The following CTDP1 variants were observed in gnomAD, a reference collection of about 807,000 sequenced individuals.
CTDP1 encodes RNA polymerase II subunit A C-terminal domain phosphatase.
CTDP1 carries 47 observed loss-of-function variants against 91.8 expected under a neutral mutation model. The ratio of observed to expected loss-of-function variants is 0.51; its 90% CI spans 0.41 to 0.65. The LOEUF (loss-of-function observed/expected upper bound fraction) is 0.65. CTDP1 is among the 30% of genes least tolerant of loss of function. The probability of loss-of-function intolerance (pLI) is 0.00; values close to 1 mark genes in which losing one functional copy is unlikely to be tolerated. For synonymous variants in CTDP1, 656 were observed against 598.5 expected, an observed-to-expected ratio of 1.10 and a Z score of -1.40; for missense variants, 1,272 against 1,373.7, an observed-to-expected ratio of 0.93 and a Z score of 1.17.
At chr18:79,679,798 C>T, upstream of CTDP1, 1 of 720,558 alleles carries the variant, frequency 1.4e-6, no homozygotes, top group South Asian at 1.9e-5. Flanking sequence ...CACGCGCCCT[C>T]CAGGAAGTCG....
At chr18:79,708,191 C>T (rs904088558) in intron 5 of CTDP1, among the ~76,000 whole-genome samples, 12 of 152,196 alleles carry the variant, frequency 7.9e-5, no homozygotes, top group Non-Finnish European at 1.5e-4. Context: ...GTTCATCTTC[C>T]CAGAAGATCT....
chr18:79,722,589 C>G (rs1028752553), intron 10 of CTDP1, among the ~76,000 whole-genome samples: 1 of 152,210 alleles, frequency 6.6e-6, no homozygotes, highest in Admixed American at 6.5e-5. Flanking sequence ...AGCGGGCCCC[C>G]TGGTCTGGGT....
rs79644263 is a variant in CTDP1 at position 79,680,133 on chromosome 18, G to T, written c.186G>T (p.Gly62=). The change falls in exon 1 of 13, where the codon GGG becomes GGT. Residue 62 remains glycine (G), a synonymous_variant. Coordinates refer to ENST00000613122, the MANE Select transcript of CTDP1 (RefSeq NM_004715.5). The stretch of plus-strand genomic sequence containing the variant: ...CCGCCGCCTCCGCGCAGTCCTCCGG[G>T]GCCTCTCAGTCCCGTGTAGCCTCCG... ...FEAAASAQSS[G]ASQSRVASGG... 15 of 1,431,230 alleles carry T rather than the reference G, an allele frequency of 1.0e-5. No homozygotes were observed. The highest frequency in any genetic ancestry group is 1.4e-5 in the Non-Finnish European group (15 of 1,094,556). The allele number at this position is 1,431,230 out of a possible 1,614,324, so 88.7% of individuals were successfully genotyped here. A position where few individuals can be genotyped will look rare whatever the true frequency, so the allele number is the denominator to read the frequency against.
intron 1 of CTDP1, among the ~76,000 whole-genome samples, chr18:79,692,605 C>T (rs2085647927): frequency 6.6e-6 from 1 of 152,136 alleles, no homozygotes; most frequent in Admixed American, 6.5e-5. Context: ...ATTCCTTTCC[C>T]TCTCTTCCCC....
At chr18:79,726,118 A>C (rs1312274303) in intron 10 of CTDP1, among the ~76,000 whole-genome samples, 1 of 152,136 alleles carries the variant, frequency 6.6e-6, no homozygotes, top group Non-Finnish European at 1.5e-5. Context: ...CTGGGACAGC[A>C]GGGACACGGA....
rs764394646 is a variant in CTDP1, at chr18:79,722,837, C to G, written c.2417+4821C>G. Among the ~76,000 whole-genome samples, 106 of 152,226 alleles carry G rather than the reference C, an allele frequency of 7.0e-4. 1 individual carries two copies. The highest frequency in any genetic ancestry group is 2.1e-4 in the South Asian group (1 of 4,834). ...ACGGGACCAGCCGGCAGGAGTTCTG[C>G]GGGGCCTTCGTGCTGCGGTGAGGAC... On this transcript the variant is annotated intron_variant, in intron 10 of 12. Transcript: ENST00000613122.
At chr18:79,690,921 G>A (rs535135883) in intron 1 of CTDP1, among the ~76,000 whole-genome samples, 1 of 152,318 alleles carries the variant, frequency 6.6e-6, no homozygotes, top group East Asian at 1.9e-4. Flanking sequence ...TTCTACGAAG[G>A]CCTGTGTTTG....
At chr18:79,715,888 C>G (rs905115548) in intron 8 of CTDP1, among the ~76,000 whole-genome samples, 3 of 152,180 alleles carry the variant, frequency 2.0e-5, no homozygotes, top group South Asian at 2.1e-4. Context: ...TTGACAAACC[C>G]TCTGAGTTAG....
At chr18:79,704,687 C>T in intron 4 of CTDP1, 80 bp from the exon 5 acceptor site, 2 of 1,576,196 alleles carry the variant, frequency 1.3e-6, no homozygotes, top group East Asian at 2.2e-5. Flanking sequence ...CTCAGGATGC[C>T]TGTCTCGGGC....
At chr18:79,715,727 G>C (rs1184282829) in intron 8 of CTDP1, among the ~76,000 whole-genome samples, 199 bp downstream of exon 8, 1 of 152,232 alleles carries the variant, frequency 6.6e-6, no homozygotes, top group African/African-American at 2.4e-5. Context: ...CGCAGTCATC[G>C]CACACACCAT....
rs754011413 is a variant in CTDP1, at chr18:79,753,684, C to T, written c.2780C>T (p.Ala927Val). 6.2e-7 allele frequency: 1 copy of T among 1,614,128 alleles called. No individual in the cohort carries two copies. The highest frequency in any genetic ancestry group is 8.5e-7 in the Non-Finnish European group (1 of 1,179,984). Residue 927 changes from alanine to valine, a missense_variant, in exon 13 of 13, where the codon GCC (alanine) becomes GTC (valine). Physicochemically the swap from Ala to Val is moderately conservative, Grantham distance 64. Coordinates refer to ENST00000613122, the MANE Select transcript of CTDP1 (RefSeq NM_004715.5). Reference sequence around the variant, plus strand: ...AAGAGGAAGCTGAATGAAGAGGACGCCGCCAGCGAGTCCAGCAGGGAGTCC... The same window carrying T: ...AAGAGGAAGCTGAATGAAGAGGACGTCGCCAGCGAGTCCAGCAGGGAGTCC... The part of the protein sequence containing the change: ...GHKRKLNEED[A>V]ASESSRESSN...
At chr18:79,739,666 A>G (rs575682040) in intron 12 of CTDP1, among the ~76,000 whole-genome samples, 4 of 152,124 alleles carry the variant, frequency 2.6e-5, no homozygotes, top group Non-Finnish European at 4.4e-5. Flanking sequence ...GTTTCACTCT[A>G]TGTCTTACAG....
At position 79,715,659 on chromosome 18, in the gene CTDP1, A is replaced by G. The variant is rs76553883; in HGVS notation, c.2068+131A>G. 0.059 allele frequency: 60,964 copies of G among 1,042,098 alleles called. 2,590 individuals are homozygous for G. The highest frequency in any genetic ancestry group is 0.15 in the African/African-American group (9,616 of 62,694). 64.6% of individuals were successfully genotyped at this position (1,042,098 alleles called of 1,614,324 possible). A position where few individuals can be genotyped will look rare whatever the true frequency, so the allele number is the denominator to read the frequency against. ...ACATTTCCCAGAATCACCATCTTTT[A>G]AGAATAGATCATGACAGTGGGTGAA... On this transcript the variant is annotated intron_variant, in intron 8 of 12. Coordinates refer to ENST00000613122, the MANE Select transcript of CTDP1 (RefSeq NM_004715.5).
intron 7 of CTDP1, among the ~76,000 whole-genome samples, chr18:79,714,273 A>G (rs554732928): frequency 1.3e-5 from 2 of 151,948 alleles, no homozygotes; most frequent in South Asian, 4.2e-4. Context: ...AATACTCCAA[A>G]CTCAGAAAAA....
At chr18:79,699,555 G>A (rs553078228) in intron 4 of CTDP1, among the ~76,000 whole-genome samples, 3 of 152,074 alleles carry the variant, frequency 2.0e-5, no homozygotes, top group African/African-American at 7.2e-5. Context: ...GAGCCACCGC[G>A]CCCGCCCAAG....
At chr18:79,744,637 C>T (rs908538515) in intron 12 of CTDP1, among the ~76,000 whole-genome samples, 7 of 152,204 alleles carry the variant, frequency 4.6e-5, no homozygotes, top group African/African-American at 1.4e-4. Flanking sequence ...ATAATGATAA[C>T]GGATGGAATT....
At chr18:79,739,132 A>G (rs932796888) in intron 12 of CTDP1, among the ~76,000 whole-genome samples, 1 of 152,208 alleles carries the variant, frequency 6.6e-6, no homozygotes, top group Non-Finnish European at 1.5e-5. Flanking sequence ...TGCCGTGGCC[A>G]TGTTAGTATC....
Position 79,698,014 on chromosome 18 carries a change from A to G in CTDP1, c.621+26A>G, listed in dbSNP as rs746559145. 1.9e-6 allele frequency: 3 copies of G among 1,613,978 alleles called. No individual in the cohort carries two copies. In the African/African-American group the frequency reaches 4.0e-5, roughly 22 times the overall value. ...GTGAGTGCAGTCAGCATCTACGGAC[A>G]GTTTCCCAGGAACCGCGGGTCCTAG... On this transcript the variant is annotated intron_variant, in intron 4 of 12. Coordinates refer to ENST00000613122, the MANE Select transcript of CTDP1 (RefSeq NM_004715.5).
At chr18:79,746,784 T>C (rs143429382) in intron 12 of CTDP1, among the ~76,000 whole-genome samples, 18 of 152,236 alleles carry the variant, frequency 1.2e-4, no homozygotes, top group Non-Finnish European at 2.4e-4. Flanking sequence ...GCCTGGCTAA[T>C]GTTTTTAAAA....
Sources: allele counts gnomAD v4.1 joint callset (sites outside exome capture counted in the v4.1 genomes callset), GRCh38; gene constraint gnomAD v4.1.1; transcripts MANE v1.5; gene names NCBI Gene and HGNC (gene_info 2026-07-23, HGNC 2026-07-21).